The following JAZF1 variants were observed in gnomAD, a reference collection of about 807,000 sequenced individuals.
The protein encoded by JAZF1 is JAZF zinc finger 1, also known as juxtaposed with another zinc finger protein 1.
A neutral mutation model predicts 26.4 loss-of-function variants in JAZF1; 8 were observed. That is an observed-to-expected ratio of 0.30 (90% CI 0.18 to 0.55). The LOEUF (loss-of-function observed/expected upper bound fraction) is 0.55, where lower values mean the gene tolerates loss of function less well. JAZF1 is among the 20% of genes least tolerant of loss of function. JAZF1 has a pLI of 0.94. For missense variants in JAZF1, 199 were observed against 322.0 expected, an observed-to-expected ratio of 0.62 and a Z score of 2.92; for synonymous variants, 126 against 122.3, an observed-to-expected ratio of 1.03 and a Z score of -0.20.
Position 27,830,841 on chromosome 7 carries a change from TAAGTA to T in JAZF1, c.*1954_*1958del, listed in dbSNP as rs373101809. On this transcript the variant is annotated 3_prime_UTR_variant, in exon 5 of 5. Transcript: ENST00000283928. ...TGTTTAGTAATACTGTCACAATGAA[TAAGTA>T]AATAGAAATTGGAATTTATCTTTGA... is the stretch of plus-strand genomic sequence containing the variant. 1.6e-4 allele frequency: 33 copies of T among 209,536 alleles called. 1 individual carries two copies. Among genetic ancestry groups the T allele is most frequent in the African/African-American group, 5.7e-4 (25 of 44,168 alleles). 13.0% of individuals were successfully genotyped at this position (209,536 alleles called of 1,614,324 possible). A position where few individuals can be genotyped will look rare whatever the true frequency, so the allele number is the denominator to read the frequency against.
chr7:28,026,934 CA>C (rs758590763), intron 1 of JAZF1, among the ~76,000 whole-genome samples: 21 of 152,352 alleles, frequency 1.4e-4, no homozygotes, highest in Non-Finnish European at 2.6e-4. Flanking sequence ...TTTGCTGCCC[CA>C]AGTGGGCTTC....
At chr7:27,905,700 A>G (rs1583457275) in intron 2 of JAZF1, among the ~76,000 whole-genome samples, 1 of 151,926 alleles carries the variant, frequency 6.6e-6, no homozygotes, top group South Asian at 2.1e-4. Flanking sequence ...TTATATTGCC[A>G]TGTATACCTT....
chr7:27,961,281 C>A (rs1400172498), intron 2 of JAZF1, among the ~76,000 whole-genome samples: 2 of 152,230 alleles, frequency 1.3e-5, no homozygotes, highest in African/African-American at 4.8e-5. Flanking sequence ...AATTTCAACT[C>A]AAGTAGTCTA....
At chr7:28,126,797 G>T (rs914392598) in intron 1 of JAZF1, among the ~76,000 whole-genome samples, 1 of 152,128 alleles carries the variant, frequency 6.6e-6, no homozygotes, top group Non-Finnish European at 1.5e-5. Flanking sequence ...GAAGGGGAGG[G>T]GAGGAGTGAA....
intron 1 of JAZF1, among the ~76,000 whole-genome samples, chr7:28,002,314 C>T (rs1782613297): frequency 6.6e-6 from 1 of 152,104 alleles, no homozygotes; most frequent in South Asian, 2.1e-4. Flanking sequence ...CAAAAGATGA[C>T]TATGAAAGAC....
intron 1 of JAZF1, among the ~76,000 whole-genome samples, chr7:28,118,926 G>T (rs1330352165): frequency 1.3e-5 from 2 of 152,172 alleles, no homozygotes; most frequent in Non-Finnish European, 2.9e-5. Context: ...CAGATAAATA[G>T]CTATGACAAC....
At chr7:28,157,901 C>T (rs1302053391) in intron 1 of JAZF1, among the ~76,000 whole-genome samples, 2 of 151,502 alleles carry the variant, frequency 1.3e-5, no homozygotes, top group South Asian at 2.1e-4. Context: ...TTTTAATCCC[C>T]GATGTAAGCT....
At chr7:27,854,531 GCTTC>G (rs1411821720) in intron 3 of JAZF1, among the ~76,000 whole-genome samples, 1 of 152,126 alleles carries the variant, frequency 6.6e-6, no homozygotes, top group Non-Finnish European at 1.5e-5. Context: ...TGTATTTAGT[GCTTC>G]CTTCAAGAGC....
intron 1 of JAZF1, among the ~76,000 whole-genome samples, chr7:28,103,478 C>A (rs1467826579): frequency 6.6e-6 from 1 of 152,044 alleles, no homozygotes; most frequent in Admixed American, 6.6e-5. Context: ...TTTAATTGCC[C>A]ACTGAAGATT....
At position 27,851,401 on chromosome 7, in the gene JAZF1, C is replaced by T. The variant is rs141072502; in HGVS notation, c.386-10534G>A. 7.8e-4 allele frequency among the ~76,000 whole-genome samples: 118 copies of T among 152,248 alleles called. 1 individual carries two copies. Among genetic ancestry groups the T allele is most frequent in the South Asian group, 3.5e-3 (17 of 4,822 alleles). On this transcript the variant is annotated intron_variant, in intron 3 of 4. Transcript: ENST00000283928. ...ATGGTGGTTCACACCTGTTCACACACACTTTGGGAGGCTGAGGTGGGAGGA... is the reference window on the plus strand; with the variant it reads ...ATGGTGGTTCACACCTGTTCACACATACTTTGGGAGGCTGAGGTGGGAGGA...
At chr7:27,882,269 A>T (rs1309446164) in intron 3 of JAZF1, among the ~76,000 whole-genome samples, 1 of 151,950 alleles carries the variant, frequency 6.6e-6, no homozygotes, top group Non-Finnish European at 1.5e-5. Flanking sequence ...GGTTGATTTT[A>T]CCTATGTGTT....
intron 3 of JAZF1, among the ~76,000 whole-genome samples, chr7:27,857,501 G>A (rs1265647780): frequency 1.3e-5 from 2 of 152,254 alleles, no homozygotes; most frequent in Admixed American, 6.5e-5. Context: ...CGGCCAGAGT[G>A]GGCGCCAAGG....
At position 28,065,143 on chromosome 7, in the gene JAZF1, G is replaced by A. The variant is rs142453748; in HGVS notation, c.116-73162C>T. On this transcript the variant is annotated intron_variant, in intron 1 of 4. Coordinates refer to ENST00000283928, the MANE Select transcript of JAZF1 (RefSeq NM_175061.4). Reference sequence around the variant, plus strand: ...AAAATGACCAAAGAATCAGTCAGCTGACTTTCTCCCTAAGCGCTGATAAGG... The same window carrying A: ...AAAATGACCAAAGAATCAGTCAGCTAACTTTCTCCCTAAGCGCTGATAAGG... 2.6e-5 allele frequency among the ~76,000 whole-genome samples: 4 copies of A among 152,306 alleles called. No homozygotes were observed. The East Asian group carries it at 7.7e-4, about 29-fold the overall frequency.
In JAZF1 at chr7:28,154,311, T is replaced by C. The variant is rs138027063; in HGVS notation, c.115+26152A>G. 8.5e-5 allele frequency among the ~76,000 whole-genome samples: 13 copies of C among 152,298 alleles called. No individual in the cohort carries two copies. In the East Asian group the frequency reaches 2.5e-3, roughly 29 times the overall value. On this transcript the variant is annotated intron_variant, in intron 1 of 4. Coordinates refer to ENST00000283928, the MANE Select transcript of JAZF1 (RefSeq NM_175061.4). ...AATAAGCCCTTAGTGATCACAATGT[T>C]CAAGCATGGCAGAGGGCCACTGTCA...
At chr7:28,024,815 T>C (rs1783065805) in intron 1 of JAZF1, among the ~76,000 whole-genome samples, 1 of 152,228 alleles carries the variant, frequency 6.6e-6, no homozygotes, top group Non-Finnish European at 1.5e-5. Context: ...AACCTTTTCC[T>C]TCAAGGAGTT....
intron 1 of JAZF1, among the ~76,000 whole-genome samples, chr7:28,083,206 G>T (rs1252161999): frequency 6.6e-6 from 1 of 152,032 alleles, no homozygotes; most frequent in African/African-American, 2.4e-5. Context: ...ACATCTCTCA[G>T]TTTAGCCCTT....
chr7:28,108,394 G>T (rs1370623160), intron 1 of JAZF1, among the ~76,000 whole-genome samples: 2 of 152,110 alleles, frequency 1.3e-5, no homozygotes, highest in Non-Finnish European at 2.9e-5. Context: ...CATTTTGGTG[G>T]CAGGATAGCC....
At chr7:27,943,725 C>T (rs1055737201) in intron 2 of JAZF1, among the ~76,000 whole-genome samples, 6 of 152,172 alleles carry the variant, frequency 3.9e-5, no homozygotes, top group Admixed American at 1.3e-4. Context: ...GTGAGCATGC[C>T]TGTGCTTTCT....
chr7:28,180,080 C>A (rs2127957295), intron 1 of JAZF1, among the ~76,000 whole-genome samples: 1 of 146,510 alleles, frequency 6.8e-6, no homozygotes, highest in South Asian at 2.1e-4. Flanking sequence ...TGCCCAGCGC[C>A]CAGCTCCCGC....
Sources: allele counts gnomAD v4.1 joint callset (sites outside exome capture counted in the v4.1 genomes callset), GRCh38; gene constraint gnomAD v4.1.1; transcripts MANE v1.5; gene names NCBI Gene and HGNC (gene_info 2026-07-23, HGNC 2026-07-21).